Variants in CNGA1 observed in about 807,000 individuals in gnomAD.
CNGA1 encodes cyclic nucleotide gated channel subunit alpha 1.
A neutral mutation model predicts 69.7 loss-of-function variants in CNGA1; 53 were observed. The ratio of observed to expected loss-of-function variants is 0.76; its 90% CI spans 0.61 to 0.96. CNGA1 has a LOEUF of 0.96. Among genes scored for constraint, CNGA1 ranks in the 40% least tolerant of loss-of-function variants. The pLI is 0.00. For missense variants in CNGA1, 739 were observed against 811.2 expected (o/e 0.91, Z 1.08); for synonymous variants, 249 against 283.5 (o/e 0.88, Z 1.22).
chr4:47,962,192 A>G (rs1385178575), intron 3 of CNGA1, among the ~76,000 whole-genome samples: 3 of 152,076 alleles, frequency 2.0e-5, no homozygotes, highest in African/African-American at 7.2e-5. Context: ...AAAAATACAA[A>G]AATTAGCTGG....
chr4:47,937,715 T>C lies in CNGA1; in HGVS notation c.767A>G (p.Tyr256Cys). The change falls in exon 11 of 11, where the codon TAT (tyrosine) becomes TGT (cysteine). Residue 256 changes from tyrosine (Y) to cysteine (C), a missense_variant. Coordinates refer to ENST00000514170, the MANE Select transcript of CNGA1 (RefSeq NM_001379270.1). ...VLSLIPTDLL[Y>C]FKLGWNYPEI... ...TGGATAGTTCCACCCTAACTTAAAA[T>C]ACAGCAAATCAGTTGGTATCAGTGA... 2 of 1,614,114 alleles carry C rather than the reference T, an allele frequency of 1.2e-6. No individual in the cohort carries two copies. The highest frequency in any genetic ancestry group is 8.5e-7 in the Non-Finnish European group (1 of 1,179,990).
chr4:47,949,399 A>G (rs1478829927), intron 6 of CNGA1, among the ~76,000 whole-genome samples: 1 of 152,152 alleles, frequency 6.6e-6, no homozygotes. Context: ...CTATTCTCTG[A>G]AGTTCGACTT....
At chr4:48,000,134 A>G (rs754359311) in intron 2 of CNGA1, among the ~76,000 whole-genome samples, 2 of 152,186 alleles carry the variant, frequency 1.3e-5, no homozygotes, top group Non-Finnish European at 2.9e-5. Flanking sequence ...AAGCAAAAAG[A>G]GATAAAACAT....
chr4:47,970,646 C>T (rs1740963873), intron 3 of CNGA1, among the ~76,000 whole-genome samples: 1 of 96,460 alleles, frequency 1.0e-5, no homozygotes, highest in Non-Finnish European at 2.3e-5. Context: ...GAGCAAAACT[C>T]CATTAAAAAA....
At chr4:47,994,455 G>C (rs190871789) in intron 2 of CNGA1, among the ~76,000 whole-genome samples, 1 of 152,214 alleles carries the variant, frequency 6.6e-6, no homozygotes, top group Admixed American at 6.5e-5. Flanking sequence ...TTTAACTGCT[G>C]TTGCTTTAAA....
chr4:47,944,945 G>C (rs1010932163), intron 6 of CNGA1, among the ~76,000 whole-genome samples: 1 of 152,168 alleles, frequency 6.6e-6, no homozygotes, highest in Non-Finnish European at 1.5e-5. Flanking sequence ...GAGGTTAATA[G>C]AATATAGTAT....
At chr4:47,986,300 G>C (rs983972328) in intron 2 of CNGA1, among the ~76,000 whole-genome samples, 11 of 152,036 alleles carry the variant, frequency 7.2e-5, no homozygotes, top group Non-Finnish European at 1.2e-4. Context: ...CCAGCTATTT[G>C]GGAGGCTGAG....
At chr4:48,004,670 C>A (rs1483559947) in intron 2 of CNGA1, among the ~76,000 whole-genome samples, 1 of 152,100 alleles carries the variant, frequency 6.6e-6, no homozygotes, top group Non-Finnish European at 1.5e-5. Flanking sequence ...AAAACAAGAA[C>A]AAACAAAGGA....
chr4:47,996,681 T>C (rs1458637983), intron 2 of CNGA1, among the ~76,000 whole-genome samples: 1 of 152,070 alleles, frequency 6.6e-6, no homozygotes, highest in African/African-American at 2.4e-5. Context: ...CATAATCAAA[T>C]ACAAAGGGCT....
At chr4:47,956,264 A>C (rs1465625668) in intron 3 of CNGA1, among the ~76,000 whole-genome samples, 4 of 152,204 alleles carry the variant, frequency 2.6e-5, no homozygotes, top group African/African-American at 9.6e-5. Context: ...TGAGGCGGCT[A>C]TCCCCGTCTG....
chr4:47,980,892 A>AATCTCTTCAGACCACTTATTC (rs6148428), intron 3 of CNGA1, among the ~76,000 whole-genome samples: 95,100 of 149,564 alleles, frequency 0.64, 30,613 homozygotes, highest in Non-Finnish European at 0.68. Flanking sequence ...CGAGGCACTT[A>AATCTCTTCAGACCACTTATTC]ATCTCTTCAG....
chr4:48,015,160 A>G (rs1176557547), intron 1 of CNGA1, among the ~76,000 whole-genome samples: 1 of 152,252 alleles, frequency 6.6e-6, no homozygotes, highest in East Asian at 1.9e-4. Context: ...CCTGGGCGAC[A>G]GAGCGAGACT....
intron 3 of CNGA1, among the ~76,000 whole-genome samples, chr4:47,963,831 T>C (rs761652442): frequency 2.6e-5 from 4 of 152,152 alleles, no homozygotes; most frequent in Admixed American, 6.6e-5. Context: ...TCATTTGATA[T>C]AGAAAAATGT....
chr4:47,997,619 C>T (rs911475762), intron 2 of CNGA1, among the ~76,000 whole-genome samples: 3 of 152,134 alleles, frequency 2.0e-5, no homozygotes, highest in African/African-American at 4.8e-5. Flanking sequence ...TCTGCCTTCT[C>T]AGAAAAATAC....
intron 2 of CNGA1, among the ~76,000 whole-genome samples, chr4:48,002,360 G>C (rs1329845283): frequency 6.6e-6 from 1 of 152,104 alleles, no homozygotes; most frequent in East Asian, 1.9e-4. Context: ...CAACATTTTT[G>C]CAAAAAGCCT....
chr4:47,998,567 G>A (rs1051412420), intron 2 of CNGA1, among the ~76,000 whole-genome samples: 2 of 152,130 alleles, frequency 1.3e-5, no homozygotes, highest in African/African-American at 4.8e-5. Flanking sequence ...TTGAGGTCAA[G>A]AGTTCGAGAC....
chr4:47,936,501 A>G lies in CNGA1; in HGVS notation c.1981T>C (p.Phe661Leu), dbSNP rs1353750178. 1.9e-6 allele frequency: 3 copies of G among 1,613,998 alleles called. No individual in the cohort carries two copies. Among genetic ancestry groups the G allele is most frequent in the Non-Finnish European group, 2.5e-6 (3 of 1,180,026 alleles). Residue 661 changes from phenylalanine (F) to leucine (L), a missense_variant, in exon 11 of 11, where the codon TTT becomes CTT. Phe to Leu is a conservative substitution (Grantham distance 22). Transcript: ENST00000514170. The stretch of plus-strand genomic sequence containing the variant: ...TCTGTGTCAATAAGCGGTTTCAGAA[A>G]TTTCTCAACCTTGGTTAATCTTTGT... ...LKQRLTKVEK[F>L]LKPLIDTEFS...
intron 2 of CNGA1, among the ~76,000 whole-genome samples, chr4:47,985,716 G>T (rs993091144): frequency 2.5e-4 from 38 of 151,816 alleles, no homozygotes; most frequent in African/African-American, 8.7e-4. Flanking sequence ...GCAAATTATT[G>T]CTTTCTTTAC....
chr4:47,968,638 A>G (rs1224456621), intron 3 of CNGA1, among the ~76,000 whole-genome samples: 1 of 152,198 alleles, frequency 6.6e-6, no homozygotes, highest in Non-Finnish European at 1.5e-5. Context: ...AGGCTGCTTA[A>G]AGTTAGGAAT....
Sources: gnomAD v4.1 joint callset for allele counts (sites outside exome capture counted in the v4.1 genomes callset) on GRCh38, gnomAD v4.1.1 for gene constraint, MANE v1.5 for transcripts, NCBI Gene and HGNC (gene_info 2026-07-23, HGNC 2026-07-21) for gene names.